CFAP99: variants seen among roughly 807,000 people sequenced by gnomAD.
CFAP99 encodes the protein cilia- and flagella-associated protein 99.
A neutral mutation model predicts 82.7 loss-of-function variants in CFAP99; 84 were observed. That is an observed-to-expected ratio of 1.02 (90% CI 0.85 to 1.22). The LOEUF (loss-of-function observed/expected upper bound fraction) is 1.22. Ranked by LOEUF, CFAP99 falls within the 50% of genes most tolerant of loss-of-function variation. The pLI, the probability that CFAP99 is intolerant of heterozygous loss-of-function variation, is 0.00. For synonymous variants in CFAP99, 456 were observed against 429.5 expected, an observed-to-expected ratio of 1.06 and a Z score of -0.76; for missense variants, 1,059 against 983.5, an observed-to-expected ratio of 1.08 and a Z score of -1.03.
chr4:2,433,309 G>T (rs79360712), intron 2 of CFAP99, among the ~76,000 whole-genome samples: 7 of 152,132 alleles, frequency 4.6e-5, no homozygotes, highest in Admixed American at 1.3e-4. Flanking sequence ...GCCAGAGGAG[G>T]TTGTCAGCAT....
At chr4:2,449,077 A>G (rs1734241525) in intron 6 of CFAP99, among the ~76,000 whole-genome samples, 1 of 152,070 alleles carries the variant, frequency 6.6e-6, no homozygotes, top group Admixed American at 6.5e-5. Flanking sequence ...GCAGGGGAGA[A>G]GGCATGGAGT....
chr4:2,434,525 A>G (rs1462800983), intron 2 of CFAP99, among the ~76,000 whole-genome samples: 1 of 152,228 alleles, frequency 6.6e-6, no homozygotes, highest in Non-Finnish European at 1.5e-5. Context: ...ATTTAAATTT[A>G]ACACGGGGAA....
At chr4:2,445,976 A>G (rs1239735908) in intron 6 of CFAP99, among the ~76,000 whole-genome samples, 1 of 152,226 alleles carries the variant, frequency 6.6e-6, no homozygotes, top group African/African-American at 2.4e-5. Flanking sequence ...CACTGTGATC[A>G]GGAATATAAT....
intron 11 of CFAP99, among the ~76,000 whole-genome samples, chr4:2,457,213 G>A (rs968856332): frequency 5.3e-5 from 8 of 152,136 alleles, no homozygotes; most frequent in Admixed American, 4.6e-4. Context: ...CACGCGCTGG[G>A]ATTACAAGCG....
chr4:2,438,913 C>T (rs777321919), intron 4 of CFAP99, among the ~76,000 whole-genome samples: 61 of 152,222 alleles, frequency 4.0e-4, no homozygotes, highest in Non-Finnish European at 7.9e-4. Flanking sequence ...AGGCCCAGAA[C>T]AGCCTCTCCT....
chr4:2,433,129 T>C (rs1351324156), intron 2 of CFAP99, among the ~76,000 whole-genome samples: 1 of 152,056 alleles, frequency 6.6e-6, no homozygotes, highest in Non-Finnish European at 1.5e-5. Flanking sequence ...CTCACTCAGC[T>C]CTGCAGCTTC....
chr4:2,427,776 C>T (rs958696728), intron 2 of CFAP99: 5 of 152,350 alleles, frequency 3.3e-5, no homozygotes, highest in Admixed American at 6.5e-5. Flanking sequence ...TCATTAGCTA[C>T]CTCTGGGGCA....
intron 1 of CFAP99, among the ~76,000 whole-genome samples, chr4:2,424,460 AG>A (rs1382502008): frequency 6.6e-6 from 1 of 152,156 alleles, no homozygotes; most frequent in African/African-American, 2.4e-5. Context: ...TCTCAAAAAA[AG>A]AAAAAAAAAG....
intron 1 of CFAP99, among the ~76,000 whole-genome samples, chr4:2,424,727 C>T (rs572009492): frequency 6.9e-4 from 105 of 152,326 alleles, no homozygotes; most frequent in African/African-American, 2.2e-3. Context: ...TTCCCCACAA[C>T]GACAGTCACT....
chr4:2,440,225 C>A (rs1734003815), intron 4 of CFAP99, among the ~76,000 whole-genome samples: 1 of 136,912 alleles, frequency 7.3e-6, no homozygotes, highest in Non-Finnish European at 1.5e-5. Context: ...CGGCTCACTG[C>A]AAGCTCCGCC....
rs188335061 is a variant in CFAP99, at chr4:2,456,810, C to T, written c.1162-1913C>T. ...CTGGGATTACAGGCATGAGCCACCG[C>T]GCCCGGCCAATAACTTGTTTTTTAA... On this transcript the variant is annotated intron_variant, in intron 11 of 14. Coordinates refer to ENST00000635017, the Ensembl canonical transcript of CFAP99. Among the ~76,000 whole-genome samples the T allele has an allele frequency of 9.2e-5, 14 of 152,172 alleles. No individual in the cohort carries two copies. In the East Asian group the frequency reaches 2.1e-3, roughly 23 times the overall value.
At chr4:2,435,636 A>G (rs534583511) in intron 2 of CFAP99, among the ~76,000 whole-genome samples, 2 of 152,302 alleles carry the variant, frequency 1.3e-5, no homozygotes, top group African/African-American at 4.8e-5. Flanking sequence ...TTCAGAAAAC[A>G]TATGAGGCTG....
intron 11 of CFAP99, among the ~76,000 whole-genome samples, chr4:2,457,140 C>T (rs1343547007): frequency 3.3e-5 from 5 of 151,842 alleles, no homozygotes; most frequent in South Asian, 2.1e-4. Context: ...TCTGTAGAGA[C>T]GGGGTCTCAC....
At position 2,450,117 on chromosome 4, in the gene CFAP99, G is replaced by C; in HGVS notation, c.795+112G>C. ...CACTTATGTAGCCTTTTCCCACTGA[G>C]GGCCGGGGAGGGGCGGATTCCCAGT... On this transcript the variant is annotated intron_variant, in intron 8 of 14. Coordinates refer to ENST00000635017, the Ensembl canonical transcript of CFAP99. The C allele has an allele frequency of 8.3e-6, 9 of 1,078,126 alleles. No individual in the cohort carries two copies. In the South Asian group the frequency reaches 1.1e-4, roughly 13 times the overall value. 66.8% of individuals were successfully genotyped at this position (1,078,126 alleles called of 1,614,324 possible). A position where few individuals can be genotyped will look rare whatever the true frequency, so the allele number is the denominator to read the frequency against.
At chr4:2,431,133 C>A (rs1225366976) in intron 2 of CFAP99, among the ~76,000 whole-genome samples, 1 of 151,828 alleles carries the variant, frequency 6.6e-6, no homozygotes, top group Non-Finnish European at 1.5e-5. Context: ...CTTTGAGAGG[C>A]CGGGGCAGGT....
chr4:2,438,256 TTTTG>T (rs202190251), intron 4 of CFAP99, 92 bp downstream of exon 4: 649 of 761,292 alleles, frequency 8.5e-4, no homozygotes, highest in Middle Eastern at 2.6e-3. Context: ...GGTTGGGTTG[TTTTG>T]TTTGTTTGTT....
intron 2 of CFAP99, chr4:2,428,946 G>C (rs1015585143): frequency 2.0e-5 from 3 of 152,388 alleles, no homozygotes; most frequent in Non-Finnish European, 4.4e-5. Flanking sequence ...CTGCTGATCC[G>C]GGCATCCCCA....
intron 2 of CFAP99, among the ~76,000 whole-genome samples, chr4:2,435,184 G>A (rs1733882010): frequency 6.6e-6 from 1 of 151,950 alleles, no homozygotes; most frequent in Admixed American, 6.6e-5. Context: ...TGTAGTCCCA[G>A]CTGTTCGGGA....
intron 2 of CFAP99, among the ~76,000 whole-genome samples, chr4:2,431,470 A>G (rs1042961918): frequency 1.3e-5 from 2 of 152,124 alleles, no homozygotes; most frequent in Non-Finnish European, 2.9e-5. Context: ...TAGAGGTGAG[A>G]TATGTTACAA....
Sources: allele counts gnomAD v4.1 joint callset (sites outside exome capture counted in the v4.1 genomes callset), GRCh38; gene constraint gnomAD v4.1.1; transcripts MANE v1.5; gene names NCBI Gene and HGNC (gene_info 2026-07-23, HGNC 2026-07-21).